Variants in MAPK9 observed in about 807,000 individuals in gnomAD.
MAPK9 encodes Jun kinase.
Under a neutral mutation model 57.1 loss-of-function variants are expected in MAPK9, and 30 were observed. The observed-to-expected ratio is 0.53, with a 90% CI of 0.39 to 0.71. The LOEUF (loss-of-function observed/expected upper bound fraction) is 0.71. Among genes scored for constraint, MAPK9 ranks in the 30% least tolerant of loss-of-function variants. The pLI is 0.00. For synonymous variants in MAPK9, 155 were observed against 177.0 expected, an observed-to-expected ratio of 0.88 and a Z score of 0.99; for missense variants, 362 against 521.0, an observed-to-expected ratio of 0.69 and a Z score of 2.97.
At chr5:180,271,589 T>C (rs1383629678) in intron 2 of MAPK9, among the ~76,000 whole-genome samples, 1 of 152,220 alleles carries the variant, frequency 6.6e-6, no homozygotes, top group Non-Finnish European at 1.5e-5. Context: ...TTCTCCTCCA[T>C]TTACCATATA....
At chr5:180,241,289 T>A in intron 8 of MAPK9, 134 bp from the exon 9 acceptor site, 1 of 982,724 alleles carries the variant, frequency 1.0e-6, no homozygotes. Flanking sequence ...AGGTTCAAGA[T>A]GAATATAACC....
chr5:180,238,245 G>C lies in MAPK9; in HGVS notation c.1132+87C>G. 4.0e-6 allele frequency: 4 copies of C among 1,010,458 alleles called. No homozygotes were observed. In the South Asian group the frequency reaches 5.5e-5, roughly 14 times the overall value. 62.6% of individuals were successfully genotyped at this position (1,010,458 alleles called of 1,614,324 possible). On this transcript the variant is annotated intron_variant, in intron 11 of 11. Transcript: ENST00000452135. ...AGATCGCGCCGCTGCTCTCCAGCCT[G>C]GGCGACAGAACGAAACTCTGTCTCA...
At position 180,249,273 on chromosome 5, in the gene MAPK9, GA is replaced by G. The variant is rs1032830908; in HGVS notation, c.451-136del. On this transcript the variant is annotated intron_variant, in intron 5 of 11. Transcript: ENST00000452135. ...ACTCTGAGATTTGGGAACAACTTTG[GA>G]AAATCTTACTCTCAAATTGAAACTA... The G allele has an allele frequency of 5.9e-6, 5 of 842,378 alleles. No homozygotes were observed. In the African/African-American group the frequency reaches 7.0e-5, roughly 12 times the overall value. 52.2% of individuals were successfully genotyped at this position (842,378 alleles called of 1,614,324 possible).
chr5:180,265,236 G>A (rs1561819057), intron 3 of MAPK9, among the ~76,000 whole-genome samples: 2 of 152,180 alleles, frequency 1.3e-5, no homozygotes, highest in African/African-American at 2.4e-5. Context: ...GTGATAAAGT[G>A]AAAGGCCTCG....
At chr5:180,249,240 T>A (rs1054311734) in intron 5 of MAPK9, 102 bp from the exon 6 acceptor site, 2 of 1,007,948 alleles carry the variant, frequency 2.0e-6, no homozygotes, top group Non-Finnish European at 2.8e-6. Flanking sequence ...GTGTAGGGAG[T>A]GAACTGAACT....
intron 5 of MAPK9, among the ~76,000 whole-genome samples, chr5:180,251,220 G>A (rs139109714): frequency 3.9e-5 from 6 of 152,238 alleles, no homozygotes; most frequent in Admixed American, 3.3e-4. Context: ...GCTGATTTCT[G>A]AGGTGTGAAA....
intron 11 of MAPK9, 28 bp downstream of exon 11, chr5:180,238,301 TATC>T (rs1757350032): frequency 1.3e-6 from 2 of 1,558,322 alleles, no homozygotes; most frequent in Non-Finnish European, 1.8e-6. Flanking sequence ...GAAAGAAAAA[TATC>T]ATACAATCAA....
At chr5:180,267,888 A>G (rs1405364047) in intron 3 of MAPK9, among the ~76,000 whole-genome samples, 1 of 151,986 alleles carries the variant, frequency 6.6e-6, no homozygotes, top group Non-Finnish European at 1.5e-5. Flanking sequence ...TTTGAGACGG[A>G]GTCTCGCTCT....
chr5:180,261,316 C>A (rs10077348), intron 5 of MAPK9, among the ~76,000 whole-genome samples: 152,409 of 152,410 alleles, frequency 1, 76,204 homozygotes, highest in Non-Finnish European at 1. Context: ...TGGGATTTCA[C>A]ATATGGCAAA....
intron 1 of MAPK9, among the ~76,000 whole-genome samples, chr5:180,290,653 A>C (rs929047018): frequency 1.3e-5 from 2 of 152,248 alleles, no homozygotes; most frequent in South Asian, 4.1e-4. Flanking sequence ...TTAGCAATTA[A>C]AGGGGTCAAG....
chr5:180,262,107 G>A (rs901402003), intron 4 of MAPK9, among the ~76,000 whole-genome samples: 16 of 151,560 alleles, frequency 1.1e-4, no homozygotes, highest in Admixed American at 2.6e-4. Context: ...GAAATTCTCC[G>A]TACCAGCCTA....
chr5:180,261,055 A>G (rs557765237), intron 5 of MAPK9, among the ~76,000 whole-genome samples: 1 of 152,328 alleles, frequency 6.6e-6, no homozygotes, highest in Admixed American at 6.5e-5. Flanking sequence ...ATCGCTCCCT[A>G]GCTTATTAAA....
intron 2 of MAPK9, among the ~76,000 whole-genome samples, chr5:180,272,299 A>G (rs1412976961): frequency 1.3e-5 from 2 of 152,196 alleles, no homozygotes; most frequent in Non-Finnish European, 2.9e-5. Context: ...TTGATTGATA[A>G]TAAGTTTTCT....
chr5:180,259,784 A>C (rs1759727976), intron 5 of MAPK9, among the ~76,000 whole-genome samples: 1 of 152,234 alleles, frequency 6.6e-6, no homozygotes, highest in Non-Finnish European at 1.5e-5. Flanking sequence ...TCTCTATGTA[A>C]ACATGAAAGA....
intron 2 of MAPK9, among the ~76,000 whole-genome samples, chr5:180,279,514 A>G (rs868349132): frequency 1.4e-4 from 22 of 152,140 alleles, no homozygotes; most frequent in African/African-American, 4.8e-4. Flanking sequence ...AATCATCGTT[A>G]AAGATTCTCC....
At chr5:180,268,775 C>T (rs1053418486) in intron 3 of MAPK9, among the ~76,000 whole-genome samples, 2 of 150,044 alleles carry the variant, frequency 1.3e-5, no homozygotes, top group African/African-American at 4.9e-5. Flanking sequence ...TGCAGCGAGC[C>T]AAGATCCCAC....
At chr5:180,291,301 G>C (rs1358346191) in intron 1 of MAPK9, among the ~76,000 whole-genome samples, 5 of 151,374 alleles carry the variant, frequency 3.3e-5, no homozygotes, top group Non-Finnish European at 5.9e-5. Flanking sequence ...GAGTGCGCGG[G>C]GAGGCGGGAG....
chr5:180,281,299 A>C (rs916555712), intron 1 of MAPK9, among the ~76,000 whole-genome samples: 6 of 152,234 alleles, frequency 3.9e-5, no homozygotes, highest in Non-Finnish European at 8.8e-5. Flanking sequence ...ACAGTCCATC[A>C]TAGTAACACT....
chr5:180,241,171 A>G lies in MAPK9; in HGVS notation c.872-16T>C. On this transcript the variant is annotated splice_polypyrimidine_tract_variant and intron_variant, in intron 8 of 11. Coordinates refer to ENST00000452135, the MANE Select transcript of MAPK9 (RefSeq NM_002752.5). ...GCTTGACTTGCTAGGGTGACAACAA[A>G]TATTAAATTAATGCTGTTAATATGA... 10 of 1,606,342 alleles carry G rather than the reference A, an allele frequency of 6.2e-6. No individual in the cohort carries two copies. Among genetic ancestry groups the G allele is most frequent in the Non-Finnish European group, 8.5e-6 (10 of 1,176,084 alleles).
Sources: gnomAD v4.1 joint callset for allele counts (sites outside exome capture counted in the v4.1 genomes callset) on GRCh38, gnomAD v4.1.1 for gene constraint, MANE v1.5 for transcripts, NCBI Gene and HGNC (gene_info 2026-07-23, HGNC 2026-07-21) for gene names.